The following ATP6V1C2 variants were observed in gnomAD, a reference collection of about 807,000 sequenced individuals.
ATP6V1C2 encodes the protein ATPase H+ transporting V1 subunit C2.
A neutral mutation model predicts 56.8 loss-of-function variants in ATP6V1C2; 45 were observed. The observed-to-expected ratio is 0.79, with a 90% CI of 0.62 to 1.02. The LOEUF (loss-of-function observed/expected upper bound fraction) is 1.02, where lower values mean the gene tolerates loss of function less well. Ranked by LOEUF, ATP6V1C2 falls within the 50% of genes least tolerant of loss-of-function variation. The pLI, the probability that ATP6V1C2 is intolerant of heterozygous loss-of-function variation, is 0.00. For synonymous variants in ATP6V1C2, 220 were observed against 201.3 expected (o/e 1.09, Z -0.79); for missense variants, 463 against 519.7 (o/e 0.89, Z 1.06).
intron 1 of ATP6V1C2, among the ~76,000 whole-genome samples, chr2:10,722,188 T>C (rs933036839): frequency 4.6e-5 from 7 of 152,076 alleles, no homozygotes; most frequent in Admixed American, 1.3e-4. Context: ...CCGTAGAGGC[T>C]GCAGACGCGG....
At chr2:10,731,906 G>A (rs889288410) in intron 3 of ATP6V1C2, among the ~76,000 whole-genome samples, 2 of 152,038 alleles carry the variant, frequency 1.3e-5, no homozygotes, top group African/African-American at 4.8e-5. Flanking sequence ...CCAGGAGGTC[G>A]AGGCTGCAGT....
At position 10,783,161 on chromosome 2, in the gene ATP6V1C2, T is replaced by TCG. The variant is rs778147700; in HGVS notation, c.1195-12_1195-11insGC. The TCG allele has an allele frequency of 6.2e-7, 1 of 1,602,372 alleles. No homozygotes were observed. The highest frequency in any genetic ancestry group is 1.7e-5 in the Admixed American group (1 of 59,964). ...TTTATGCACTTAGAGCATTACCATG[T>TCG]CTTCTTTTGTAGGCATCTGTGGAGA... is the stretch of plus-strand genomic sequence containing the variant. On this transcript the variant is annotated splice_polypyrimidine_tract_variant and intron_variant, in intron 13 of 13. Coordinates refer to ENST00000272238, the MANE Select transcript of ATP6V1C2 (RefSeq NM_001039362.2).
chr2:10,745,836 A>G (rs1251610330), intron 3 of ATP6V1C2, among the ~76,000 whole-genome samples: 12 of 152,054 alleles, frequency 7.9e-5, no homozygotes, highest in Admixed American at 7.2e-4. Flanking sequence ...GAATTAGGCT[A>G]TTTTACGTAC....
At chr2:10,751,540 CG>C (rs1397433511) in intron 3 of ATP6V1C2, among the ~76,000 whole-genome samples, 2 of 152,108 alleles carry the variant, frequency 1.3e-5, no homozygotes, top group African/African-American at 2.4e-5. Flanking sequence ...TGCCATCGCA[CG>C]GATGGAGATT....
At chr2:10,765,839 G>GC (rs1343359967) in intron 5 of ATP6V1C2, among the ~76,000 whole-genome samples, 1 of 152,152 alleles carries the variant, frequency 6.6e-6, no homozygotes, top group African/African-American at 2.4e-5. Context: ...AGTGGGAAGG[G>GC]CCCCCTGGAG....
intron 10 of ATP6V1C2, 143 bp from the exon 11 acceptor site, chr2:10,777,442 T>C: frequency 1.9e-6 from 2 of 1,039,510 alleles, no homozygotes; most frequent in South Asian, 3.1e-5. Flanking sequence ...CTACCACATC[T>C]CTAGTCTAGC....
At chr2:10,753,719 C>T (rs899379487) in intron 3 of ATP6V1C2, among the ~76,000 whole-genome samples, 19 of 151,778 alleles carry the variant, frequency 1.3e-4, no homozygotes, top group South Asian at 2.1e-4. Context: ...TTAGTAGAGA[C>T]GGGGTTTCAC....
chr2:10,777,502 G>A (rs1474111124), intron 10 of ATP6V1C2, 83 bp from the exon 11 acceptor site: 7 of 1,540,174 alleles, frequency 4.5e-6, no homozygotes, highest in African/African-American at 1.4e-5. Context: ...TTGCTCTCGC[G>A]TGCCTTTCAG....
intron 3 of ATP6V1C2, among the ~76,000 whole-genome samples, chr2:10,747,287 A>G (rs1662971058): frequency 6.6e-6 from 1 of 152,184 alleles, no homozygotes; most frequent in Non-Finnish European, 1.5e-5. Flanking sequence ...AAAGAAAAAA[A>G]AGAAAAGAAT....
At chr2:10,738,005 C>T (rs547858601) in intron 3 of ATP6V1C2, among the ~76,000 whole-genome samples, 2 of 152,196 alleles carry the variant, frequency 1.3e-5, no homozygotes, top group African/African-American at 4.8e-5. Flanking sequence ...ATGACAGTTA[C>T]AACTCCTCGA....
Position 10,784,474 on chromosome 2 carries a change from AC to A in ATP6V1C2, c.*1213del. The stretch of plus-strand genomic sequence containing the variant: ...GTCTGACTCCTACCCTGACCTTCGT[AC>A]CTATGATTATACGGATGGAAAAGCT... On this transcript the variant is annotated 3_prime_UTR_variant, in exon 14 of 14. Coordinates refer to ENST00000272238, the MANE Select transcript of ATP6V1C2 (RefSeq NM_001039362.2). 1.7e-6 allele frequency: 1 copy of A among 586,200 alleles called. No individual in the cohort carries two copies. The highest frequency in any genetic ancestry group is 3.0e-6 in the Non-Finnish European group (1 of 337,040). 36.3% of individuals were successfully genotyped at this position (586,200 alleles called of 1,614,324 possible). A position where few individuals can be genotyped will look rare whatever the true frequency, so the allele number is the denominator to read the frequency against.
At chr2:10,741,780 G>C (rs971928271) in intron 3 of ATP6V1C2, among the ~76,000 whole-genome samples, 1 of 152,106 alleles carries the variant, frequency 6.6e-6, no homozygotes, top group African/African-American at 2.4e-5. Context: ...TAAATCCTTA[G>C]TGGTTTTCTG....
chr2:10,743,997 ATAAT>A (rs1490150931), intron 3 of ATP6V1C2, among the ~76,000 whole-genome samples: 106 of 34,246 alleles, frequency 3.1e-3, no homozygotes, highest in African/African-American at 5.2e-3. Flanking sequence ...AAAAAAAAAA[ATAAT>A]AATAATAAAT....
chr2:10,778,331 C>T (rs951734069), intron 11 of ATP6V1C2, among the ~76,000 whole-genome samples: 21 of 152,336 alleles, frequency 1.4e-4, no homozygotes, highest in Admixed American at 1.4e-3. Flanking sequence ...CCCCGCGCTG[C>T]GGTCTGTGGT....
At chr2:10,725,480 C>T (rs1478430031) in intron 2 of ATP6V1C2, among the ~76,000 whole-genome samples, 1 of 148,026 alleles carries the variant, frequency 6.8e-6, no homozygotes, top group Non-Finnish European at 1.5e-5. Flanking sequence ...GCCTCCTTCC[C>T]CAGCAAGAAT....
intron 12 of ATP6V1C2, among the ~76,000 whole-genome samples, chr2:10,781,515 A>C (rs1253734127): frequency 3.3e-5 from 5 of 152,154 alleles, no homozygotes; most frequent in Non-Finnish European, 2.9e-5. Context: ...TAGTAATATT[A>C]ATAGGTCCTG....
chr2:10,751,143 A>T (rs957745859), intron 3 of ATP6V1C2, among the ~76,000 whole-genome samples: 1 of 152,112 alleles, frequency 6.6e-6, no homozygotes, highest in Non-Finnish European at 1.5e-5. Context: ...AATCACAGGA[A>T]CCCAGGCTGG....
chr2:10,774,170 A>G (rs1664808722), intron 8 of ATP6V1C2, among the ~76,000 whole-genome samples: 1 of 152,252 alleles, frequency 6.6e-6, no homozygotes, highest in South Asian at 2.1e-4. Context: ...CCCTATGGGC[A>G]TGGGCTCTGA....
intron 3 of ATP6V1C2, among the ~76,000 whole-genome samples, chr2:10,743,449 G>A (rs1276328133): frequency 6.6e-6 from 1 of 151,332 alleles, no homozygotes; most frequent in East Asian, 2.0e-4. Flanking sequence ...ATATCAGATG[G>A]GTCCCTAGTT....
Sources: allele counts gnomAD v4.1 joint callset (sites outside exome capture counted in the v4.1 genomes callset), GRCh38; gene constraint gnomAD v4.1.1; transcripts MANE v1.5; gene names NCBI Gene and HGNC (gene_info 2026-07-23, HGNC 2026-07-21).